Variants in GJA5 observed in about 807,000 individuals in gnomAD.
GJA5 encodes gap junction alpha-5 protein.
GJA5 carries 3 observed loss-of-function variants against 7.9 expected under a neutral mutation model. That is an observed-to-expected ratio of 0.38 (90% CI 0.17 to 0.99). GJA5 has a LOEUF of 0.99. GJA5 is among the 50% of genes least tolerant of loss of function. The pLI is 0.38. For synonymous variants in GJA5, 193 were observed against 181.0 expected (o/e 1.07, Z -0.53); for missense variants, 390 against 457.9 (o/e 0.85, Z 1.35).
intron 1 of GJA5, among the ~76,000 whole-genome samples, chr1:147,772,173 G>A (rs998441794): frequency 6.6e-6 from 1 of 152,064 alleles, no homozygotes; most frequent in Non-Finnish European, 1.5e-5. Context: ...GCCTCCCCAC[G>A]CAGCCAGCTG....
chr1:147,763,893 T>C (rs1434977556), upstream of GJA5, among the ~76,000 whole-genome samples: 3 of 152,294 alleles, frequency 2.0e-5, no homozygotes, highest in Admixed American at 2.0e-4. Flanking sequence ...CACTGCAACC[T>C]CTGCCTCCCA....
Position 147,758,874 on chromosome 1 carries a change from G to A in GJA5, c.365C>T (p.Ser122Phe), listed in dbSNP as rs781831348. The change falls in exon 2 of 2, where the codon TCT (serine) becomes TTT (phenylalanine). Residue 122 changes from serine (S) to phenylalanine (F), a missense_variant. This residue lies in a region of GJA5 where 354 missense variants were observed against 370.9 expected (regional missense o/e 0.95). Transcript: ENST00000579774. Reference sequence around the variant, plus strand: ...CTTCTCTGCCACCGGGTACTCGTAAGAGCCAGAGCCCCGGACCTCTTTGGC... The same window carrying A: ...CTTCTCTGCCACCGGGTACTCGTAAAAGCCAGAGCCCCGGACCTCTTTGGC... The part of the protein sequence containing the change: ...ERAKEVRGSG[S>F]YEYPVAEKAE... The A allele has an allele frequency of 5.1e-5, 82 of 1,614,098 alleles. No individual in the cohort carries two copies. The highest frequency in any genetic ancestry group is 1.2e-4 in the Admixed American group (7 of 60,008).
upstream of GJA5, among the ~76,000 whole-genome samples, chr1:147,764,651 C>A (rs1553227867): frequency 6.6e-6 from 1 of 151,898 alleles, no homozygotes; most frequent in Admixed American, 6.6e-5. Context: ...ATGGTGAAAC[C>A]CCATCTCTAA....
chr1:147,766,819 A>G (rs587593554), intron 1 of GJA5, among the ~76,000 whole-genome samples: 29 of 152,312 alleles, frequency 1.9e-4, no homozygotes, highest in African/African-American at 6.3e-4. Flanking sequence ...GGCCCATGCT[A>G]TAATTCCACT....
upstream of GJA5, among the ~76,000 whole-genome samples, chr1:147,763,123 T>C (rs920944699): frequency 1.3e-5 from 2 of 152,246 alleles, no homozygotes; most frequent in South Asian, 2.1e-4. Context: ...CATGTACTTA[T>C]GTGCATCTCA....
intron 1 of GJA5, among the ~76,000 whole-genome samples, chr1:147,768,893 C>T (rs1032882126): frequency 6.6e-6 from 1 of 152,242 alleles, no homozygotes; most frequent in Non-Finnish European, 1.5e-5. Flanking sequence ...CCCACATCCT[C>T]TCTACATCTC....
At chr1:147,771,082 G>A (rs138906457) in intron 1 of GJA5, among the ~76,000 whole-genome samples, 3 of 152,222 alleles carry the variant, frequency 2.0e-5, no homozygotes, top group East Asian at 3.9e-4. Flanking sequence ...CCCTGAAAAC[G>A]GCAGGTCATC....
upstream of GJA5, among the ~76,000 whole-genome samples, chr1:147,762,171 A>T (rs1250560218): frequency 2.6e-5 from 4 of 152,236 alleles, no homozygotes; most frequent in Non-Finnish European, 4.4e-5. Flanking sequence ...AGGGAAAAAG[A>T]GAAAGCAGAA....
chr1:147,769,522 G>A (rs1359385863), intron 1 of GJA5, among the ~76,000 whole-genome samples: 1 of 152,134 alleles, frequency 6.6e-6, no homozygotes, highest in Non-Finnish European at 1.5e-5. Flanking sequence ...CTGGCATATA[G>A]GCACTCAATG....
Position 147,758,543 on chromosome 1 carries a change from C to A in GJA5, c.696G>T (p.Lys232Asn). The A allele has an allele frequency of 1.2e-6, 2 of 1,613,744 alleles. No individual in the cohort carries two copies. Among genetic ancestry groups the A allele is most frequent in the Non-Finnish European group, 1.7e-6 (2 of 1,179,622 alleles). ...GTTTGACAAATCGCTGTCTGATCTT[C>A]TTCCAGCCCAGGTGGTAGAGTTCAG... is the stretch of plus-strand genomic sequence containing the variant. ...SLAELYHLGW[K>N]KIRQRFVKPR... The change falls in exon 2 of 2, where the codon AAG becomes AAT. Residue 232 changes from lysine (K) to asparagine (N), a missense_variant. By Grantham distance (94) the Lys-to-Asn change is moderately conservative. Around this residue, in one of 2 missense-constraint regions of GJA5, gnomAD observed 354 missense variants for 370.9 expected, o/e 0.95. Transcript: ENST00000579774.
At position 147,759,148 on chromosome 1, in the gene GJA5, T is replaced by C; in HGVS notation, c.91A>G (p.Ile31Val). Residue 31 changes from isoleucine to valine, a missense_variant, in exon 2 of 2, where the codon ATA (isoleucine) becomes GTA (valine). Around this residue, in one of 2 missense-constraint regions of GJA5, gnomAD observed 36 missense variants for 87.1 expected, o/e 0.41. Transcript: ENST00000579774. ...GTGCCCAGCACGAGCATACGGAATA[T>C]GAAGAGGACAGTGAGCCAGACCTTG... ...VGKVWLTVLF[I>V]FRMLVLGTAA... 1 of 1,613,694 alleles carries C rather than the reference T, an allele frequency of 6.2e-7. No individual in the cohort carries two copies. The highest frequency in any genetic ancestry group is 8.5e-7 in the Non-Finnish European group (1 of 1,179,712).
At chr1:147,763,881 C>A (rs989849194), upstream of GJA5, among the ~76,000 whole-genome samples, 3 of 152,164 alleles carry the variant, frequency 2.0e-5, no homozygotes, top group Non-Finnish European at 4.4e-5. Context: ...ACCATCTCAG[C>A]TCACTGCAAC....
upstream of GJA5, among the ~76,000 whole-genome samples, chr1:147,761,631 G>A (rs587640823): frequency 1.0e-3 from 158 of 152,316 alleles, no homozygotes; most frequent in African/African-American, 3.7e-3. Context: ...CTTAGGTGGC[G>A]AAGCGCCCCC....
chr1:147,768,364 C>T (rs1278325115), intron 1 of GJA5, among the ~76,000 whole-genome samples: 3 of 152,080 alleles, frequency 2.0e-5, no homozygotes, highest in South Asian at 4.2e-4. Context: ...GAAAGAGATT[C>T]GTGCTAGGAT....
upstream of GJA5, among the ~76,000 whole-genome samples, chr1:147,761,204 G>A (rs1313640990): frequency 6.6e-6 from 1 of 152,190 alleles, no homozygotes. Flanking sequence ...CAAACGTCTC[G>A]GAGGGAATGG....
At chr1:147,769,796 G>T (rs1664331963) in intron 1 of GJA5, among the ~76,000 whole-genome samples, 1 of 152,028 alleles carries the variant, frequency 6.6e-6, no homozygotes, top group Non-Finnish European at 1.5e-5. Flanking sequence ...AATCAGGGAG[G>T]TGTAGGGCCC....
intron 1 of GJA5, among the ~76,000 whole-genome samples, chr1:147,771,954 G>A (rs1664420331): frequency 6.6e-6 from 1 of 152,200 alleles, no homozygotes; most frequent in African/African-American, 2.4e-5. Context: ...GGGGACAGTG[G>A]GTGGAGGGGA....
At chr1:147,759,399 G>T (rs1197930946) in intron 1 of GJA5, 128 bp from the exon 2 acceptor site, 9 of 622,622 alleles carry the variant, frequency 1.4e-5, no homozygotes, top group African/African-American at 1.1e-4. Flanking sequence ...ATGCAACTTA[G>T]AAGTCAAAGC....
chr1:147,763,950 A>G (rs185885798), upstream of GJA5, among the ~76,000 whole-genome samples: 3 of 152,100 alleles, frequency 2.0e-5, no homozygotes, highest in East Asian at 5.8e-4. Flanking sequence ...AGCTGGGATT[A>G]CAGGTGTGTG....
Sources: allele counts gnomAD v4.1 joint callset (sites outside exome capture counted in the v4.1 genomes callset), GRCh38; gene constraint gnomAD v4.1.1; regional missense constraint gnomAD v4.1.1; transcripts MANE v1.5; gene names NCBI Gene and HGNC (gene_info 2026-07-23, HGNC 2026-07-21).